Variants in CHRM1 observed in about 807,000 individuals in gnomAD.
The protein encoded by CHRM1 is muscarinic acetylcholine receptor M1.
A neutral mutation model predicts 31.6 loss-of-function variants in CHRM1; 5 were observed. The ratio of observed to expected loss-of-function variants is 0.16; its 90% CI spans 0.08 to 0.33. The LOEUF (loss-of-function observed/expected upper bound fraction) is 0.33. CHRM1 is among the 10% of genes least tolerant of loss of function. The pLI is 1.00. For synonymous variants in CHRM1, 227 were observed against 249.7 expected (o/e 0.91, Z 0.86); for missense variants, 338 against 610.3 (o/e 0.55, Z 4.70).
At chr11:62,913,953 T>C (rs2085886695) in intron 1 of CHRM1, among the ~76,000 whole-genome samples, 1 of 151,738 alleles carries the variant, frequency 6.6e-6, no homozygotes, top group Non-Finnish European at 1.5e-5. Context: ...TTTTTCTTTT[T>C]TTTTTTTGAG....
chr11:62,918,951 G>A (rs2085916082), intron 1 of CHRM1, among the ~76,000 whole-genome samples: 1 of 152,074 alleles, frequency 6.6e-6, no homozygotes, highest in Admixed American at 6.5e-5. Context: ...GGGAGGAGCG[G>A]AGCCATCTTG....
At chr11:62,918,454 C>T (rs74385851) in intron 1 of CHRM1, 3,154 of 152,366 alleles carry the variant, frequency 0.021, 65 homozygotes, top group Admixed American at 0.07. Context: ...AGAGGCCCCT[C>T]TTCTCCCTTG....
Position 62,910,945 on chromosome 11 carries a change from G to T in CHRM1, c.156C>A (p.Val52=). The part of the protein sequence containing the change: ...GNLLVLISFK[V]NTELKTVNNY... ...TATTGACTGTCTTGAGCTCCGTGTT[G>T]ACCTTGAAAGAGATGAGTACCAGCA... The change falls in exon 2 of 2, where the codon GTC becomes GTA. Residue 52 remains valine (V), a synonymous_variant. Transcript: ENST00000306960. The surrounding 1 kb of genome is among the most constrained non-coding windows in gnomAD (Gnocchi z 8.7). The T allele has an allele frequency of 6.2e-7, 1 of 1,614,190 alleles. No homozygotes were observed. The highest frequency in any genetic ancestry group is 8.5e-7 in the Non-Finnish European group (1 of 1,180,044).
In CHRM1 at chr11:62,910,148, G is replaced by T; in HGVS notation, c.953C>A (p.Pro318His). 6.2e-7 allele frequency: 1 copy of T among 1,606,874 alleles called. No homozygotes were observed. The highest frequency in any genetic ancestry group is 2.2e-5 in the East Asian group (1 of 44,800). The change falls in exon 2 of 2, where the codon CCC (proline) becomes CAC (histidine). Residue 318 changes from proline to histidine, a missense_variant. Around this residue, in one of 4 missense-constraint regions of CHRM1, gnomAD observed 183 missense variants for 223.4 expected, o/e 0.82. Coordinates refer to ENST00000306960, the MANE Select transcript of CHRM1 (RefSeq NM_000738.3). The surrounding 1 kb of genome is among the most constrained non-coding windows in gnomAD (Gnocchi z 8.7). Reference protein sequence around the residue: ...DPEAQAPTKQPPRSSPNTVKR... With the variant: ...DPEAQAPTKQHPRSSPNTVKR... ...GACTGTATTTGGGGAGCTCCGTGGG[G>T]GCTGCTTGGTGGGGGCCTGTGCCTC... is the stretch of plus-strand genomic sequence containing the variant.
At position 62,909,547 on chromosome 11, in the gene CHRM1, G is replaced by A. The variant is rs577222920; in HGVS notation, c.*171C>T. The A allele has an allele frequency of 3.8e-5, 28 of 745,134 alleles. No homozygotes were observed. Among genetic ancestry groups the A allele is most frequent in the African/African-American group, 1.4e-4 (8 of 57,002 alleles). The allele number at this position is 745,134 out of a possible 1,614,324, so 46.2% of individuals were successfully genotyped here. On this transcript the variant is annotated 3_prime_UTR_variant, in exon 2 of 2. Transcript: ENST00000306960. ...GTTTCCCTCCCTGCCTGGGAATAGC[G>A]AAGTCTGGAAAGTTGGCAGGGTCTC...
intron 1 of CHRM1, chr11:62,916,925 C>T (rs956102353): frequency 1.3e-5 from 2 of 152,220 alleles, no homozygotes; most frequent in Non-Finnish European, 2.9e-5. Context: ...AGAATTGGAA[C>T]CTGATTCTTG....
intron 1 of CHRM1, among the ~76,000 whole-genome samples, chr11:62,916,316 C>A (rs575827699): frequency 6.6e-6 from 1 of 152,228 alleles, no homozygotes; most frequent in Non-Finnish European, 1.5e-5. Flanking sequence ...GAACCCAAGT[C>A]CCTGAGGCAA....
intron 1 of CHRM1, among the ~76,000 whole-genome samples, chr11:62,913,757 C>CT (rs902211552): frequency 3.3e-5 from 5 of 151,642 alleles, no homozygotes; most frequent in African/African-American, 9.7e-5. Context: ...TTATTGAGAG[C>CT]TCCCTGAGTG....
At position 62,909,685 on chromosome 11, in the gene CHRM1, G is replaced by A; in HGVS notation, c.*33C>T. ...CCTCTTCCCACCGGCCTTTCCCGGG[G>A]ACTGGGGTGGAGGGATGCAGGAGAG... On this transcript the variant is annotated 3_prime_UTR_variant, in exon 2 of 2. Coordinates refer to ENST00000306960, the MANE Select transcript of CHRM1 (RefSeq NM_000738.3). 1.2e-6 allele frequency: 2 copies of A among 1,602,828 alleles called. No individual in the cohort carries two copies. Among genetic ancestry groups the A allele is most frequent in the Non-Finnish European group, 1.7e-6 (2 of 1,173,726 alleles).
chr11:62,920,191 G>A (rs1565267640), intron 1 of CHRM1, among the ~76,000 whole-genome samples: 1 of 152,214 alleles, frequency 6.6e-6, no homozygotes, highest in Non-Finnish European at 1.5e-5. Flanking sequence ...ACTGGAGACT[G>A]CCTGACTCCT....
At position 62,909,613 on chromosome 11, in the gene CHRM1, C is replaced by A; in HGVS notation, c.*105G>T. 7.1e-7 allele frequency: 1 copy of A among 1,401,368 alleles called. No individual in the cohort carries two copies. Among genetic ancestry groups the A allele is most frequent in the East Asian group, 2.3e-5 (1 of 43,626 alleles). The allele number at this position is 1,401,368 out of a possible 1,614,324, so 86.8% of individuals were successfully genotyped here. A position where few individuals can be genotyped will look rare whatever the true frequency, so the allele number is the denominator to read the frequency against. ...AAGGTGACCCAGGGTCCTGGGAAGCCAGGTGAGGCCTGAGCAGGGCCCTGG... is the reference window on the plus strand; with the variant it reads ...AAGGTGACCCAGGGTCCTGGGAAGCAAGGTGAGGCCTGAGCAGGGCCCTGG... On this transcript the variant is annotated 3_prime_UTR_variant, in exon 2 of 2. Transcript: ENST00000306960.
intron 1 of CHRM1, among the ~76,000 whole-genome samples, chr11:62,913,020 G>T (rs2085880297): frequency 6.6e-6 from 1 of 152,168 alleles, no homozygotes; most frequent in African/African-American, 2.4e-5. Context: ...GTTCAGTGGG[G>T]GACAGAATGA....
chr11:62,909,577 G>T lies in CHRM1; in HGVS notation c.*141C>A. 9.7e-7 allele frequency: 1 copy of T among 1,031,852 alleles called. No individual in the cohort carries two copies. Among genetic ancestry groups the T allele is most frequent in the Non-Finnish European group, 1.4e-6 (1 of 710,504 alleles). 63.9% of individuals were successfully genotyped at this position (1,031,852 alleles called of 1,614,324 possible). A position where few individuals can be genotyped will look rare whatever the true frequency, so the allele number is the denominator to read the frequency against. ...CTGGAAAGTTGGCAGGGTCTCTCTGGGCTGCCCAGGAAGGTGACCCAGGGT... is the reference window on the plus strand; with the variant it reads ...CTGGAAAGTTGGCAGGGTCTCTCTGTGCTGCCCAGGAAGGTGACCCAGGGT... On this transcript the variant is annotated 3_prime_UTR_variant, in exon 2 of 2. Transcript: ENST00000306960.
chr11:62,921,527 C>G, upstream of CHRM1: 1 of 152,606 alleles, frequency 6.6e-6, no homozygotes, highest in Non-Finnish European at 1.5e-5. Flanking sequence ...CCAGGGCACC[C>G]AATTTGAGCC....
intron 1 of CHRM1, among the ~76,000 whole-genome samples, chr11:62,915,921 TG>T (rs1219924735): frequency 1.3e-5 from 2 of 152,186 alleles, no homozygotes; most frequent in Admixed American, 1.3e-4. Flanking sequence ...GCGATCCTCC[TG>T]CCTCAGCCTC....
At chr11:62,913,125 G>C (rs188581571) in intron 1 of CHRM1, among the ~76,000 whole-genome samples, 1 of 152,240 alleles carries the variant, frequency 6.6e-6, no homozygotes, top group Non-Finnish European at 1.5e-5. Context: ...CAGACTATCT[G>C]GATTTGAATC....
rs149927551 is a variant in CHRM1 at position 62,909,729 on chromosome 11, G to A, written c.1372C>T (p.Arg458Cys). Reference sequence around the variant, plus strand: ...AGGAGAGGGGACTATCAGCATTGGCGGGAGGGAGTGCGGTGCACGGAGCCA... The same window carrying A: ...AGGAGAGGGGACTATCAGCATTGGCAGGAGGGAGTGCGGTGCACGGAGCCA... ...RPGSVHRTPS[R>C]QC Residue 458 changes from arginine to cysteine, a missense_variant, in exon 2 of 2, where the codon CGC (arginine) becomes TGC (cysteine). Transcript: ENST00000306960. 2.9e-5 allele frequency: 47 copies of A among 1,613,722 alleles called. No homozygotes were observed. The highest frequency in any genetic ancestry group is 1.2e-4 in the African/African-American group (9 of 74,960).
At chr11:62,918,644 G>A (rs2085913773) in intron 1 of CHRM1, among the ~76,000 whole-genome samples, 1 of 152,244 alleles carries the variant, frequency 6.6e-6, no homozygotes, top group South Asian at 2.1e-4. Flanking sequence ...ACGTGCCAAA[G>A]CATTTGTCAC....
At chr11:62,912,890 C>T (rs2085879304) in intron 1 of CHRM1, among the ~76,000 whole-genome samples, 5 of 152,218 alleles carry the variant, frequency 3.3e-5, no homozygotes, top group Non-Finnish European at 2.9e-5. Flanking sequence ...CCTGGTGTTC[C>T]TTGGGCACCT....
Sources: allele counts gnomAD v4.1 joint callset (sites outside exome capture counted in the v4.1 genomes callset), GRCh38; gene constraint gnomAD v4.1.1; regional missense constraint gnomAD v4.1.1; non-coding constraint Gnocchi (gnomAD v3.1); transcripts MANE v1.5; gene names NCBI Gene and HGNC (gene_info 2026-07-23, HGNC 2026-07-21).